The following CCDC192 variants were observed in gnomAD, a reference collection of about 807,000 sequenced individuals.
The protein encoded by CCDC192 is coiled-coil domain containing 192.
intron 3 of CCDC192, among the ~76,000 whole-genome samples, chr5:127,772,052 G>T (rs924802758): frequency 1.3e-5 from 2 of 152,150 alleles, no homozygotes; most frequent in Non-Finnish European, 2.9e-5. Flanking sequence ...GCCAGTTGAA[G>T]TTTTGCCAGG....
intron 6 of CCDC192, among the ~76,000 whole-genome samples, chr5:127,928,959 G>T (rs923071039): frequency 6.6e-6 from 1 of 151,934 alleles, no homozygotes; most frequent in Non-Finnish European, 1.5e-5. Context: ...TAGAAACACG[G>T]TTTCACCAGG....
In CCDC192 at chr5:127,886,660, G is replaced by T. The variant is rs188759819; in HGVS notation, c.535+10999G>T. Among the ~76,000 whole-genome samples the T allele has an allele frequency of 5.6e-4, 85 of 152,284 alleles. 1 individual carries two copies. Among genetic ancestry groups the T allele is most frequent in the African/African-American group, 1.8e-3 (76 of 41,562 alleles). ...ATGATACATATAACACATAAAATTT[G>T]TGTTAACCAGCTGTTTATATTATCA... On this transcript the variant is annotated intron_variant, in intron 6 of 6. Transcript: ENST00000514853.
intron 2 of CCDC192, among the ~76,000 whole-genome samples, chr5:127,728,981 A>T (rs1048586961): frequency 1.3e-5 from 2 of 151,986 alleles, no homozygotes; most frequent in African/African-American, 4.8e-5. Flanking sequence ...ATCTCGGCTC[A>T]CTGCAGTCTC....
chr5:127,852,294 C>T (rs538060353), intron 5 of CCDC192, among the ~76,000 whole-genome samples: 9 of 152,266 alleles, frequency 5.9e-5, no homozygotes, highest in Non-Finnish European at 1.2e-4. Context: ...ATTTTCTTTA[C>T]GCATAAAGCA....
At chr5:127,758,336 C>T (rs950146928) in intron 3 of CCDC192, among the ~76,000 whole-genome samples, 4 of 152,122 alleles carry the variant, frequency 2.6e-5, no homozygotes, top group Admixed American at 1.3e-4. Flanking sequence ...CCACTTCCTC[C>T]GATGAGGTCA....
At chr5:127,739,585 CTG>C (rs1257905932) in intron 2 of CCDC192, 2 of 155,348 alleles carry the variant, frequency 1.3e-5, no homozygotes, top group South Asian at 4.1e-4. Flanking sequence ...CAGCGAGACT[CTG>C]TGTGCGTAGG....
intron 5 of CCDC192, among the ~76,000 whole-genome samples, chr5:127,821,800 C>T (rs1440655323): frequency 6.6e-6 from 1 of 152,080 alleles, no homozygotes; most frequent in African/African-American, 2.4e-5. Context: ...CTATAACTGC[C>T]ATAAAGACCC....
At chr5:127,922,027 G>C (rs1753736457) in intron 6 of CCDC192, among the ~76,000 whole-genome samples, 3 of 152,074 alleles carry the variant, frequency 2.0e-5, no homozygotes, top group Admixed American at 2.0e-4. Flanking sequence ...AAGCCAATTT[G>C]GACCTCAACG....
At chr5:127,819,968 C>G (rs1749206362) in intron 5 of CCDC192, among the ~76,000 whole-genome samples, 1 of 152,138 alleles carries the variant, frequency 6.6e-6, no homozygotes, top group Non-Finnish European at 1.5e-5. Context: ...TATTTTAAAG[C>G]ACACACGCAC....
intron 3 of CCDC192, among the ~76,000 whole-genome samples, chr5:127,796,224 T>C (rs1323041437): frequency 6.6e-6 from 1 of 152,224 alleles, no homozygotes; most frequent in African/African-American, 2.4e-5. Flanking sequence ...CCATATTTGG[T>C]AGATTGTCTT....
chr5:127,724,332 A>T (rs1752189514), intron 2 of CCDC192, among the ~76,000 whole-genome samples: 1 of 152,156 alleles, frequency 6.6e-6, no homozygotes, highest in African/African-American at 2.4e-5. Context: ...TACAATAGAA[A>T]CATCTATGTC....
chr5:127,842,616 T>C (rs568109735), intron 5 of CCDC192, among the ~76,000 whole-genome samples: 1 of 152,382 alleles, frequency 6.6e-6, no homozygotes, highest in Admixed American at 6.5e-5. Flanking sequence ...AAAGCAGTTA[T>C]ACATGTGTAA....
chr5:127,717,967 C>CA (rs796781515), intron 2 of CCDC192, among the ~76,000 whole-genome samples: 17 of 122,918 alleles, frequency 1.4e-4, no homozygotes, highest in Middle Eastern at 4.2e-3. Context: ...CAAAACAAAA[C>CA]AAAAAAAACA....
chr5:127,832,289 A>G (rs1303192186), intron 5 of CCDC192, among the ~76,000 whole-genome samples: 1 of 152,206 alleles, frequency 6.6e-6, no homozygotes. Context: ...AAATGCTGGT[A>G]AGAGTTTACA....
At chr5:127,909,906 T>C (rs1753299731) in intron 6 of CCDC192, among the ~76,000 whole-genome samples, 1 of 152,240 alleles carries the variant, frequency 6.6e-6, no homozygotes, top group African/African-American at 2.4e-5. Context: ...TTATTGCCTC[T>C]TCTATGAAAA....
At chr5:127,907,184 T>C (rs1235217886) in intron 6 of CCDC192, among the ~76,000 whole-genome samples, 1 of 152,170 alleles carries the variant, frequency 6.6e-6, no homozygotes, top group Non-Finnish European at 1.5e-5. Context: ...GTCATATCTG[T>C]GAACAAAGTC....
intron 6 of CCDC192, among the ~76,000 whole-genome samples, chr5:127,904,364 G>A (rs527394100): frequency 6.6e-6 from 1 of 152,104 alleles, no homozygotes; most frequent in Non-Finnish European, 1.5e-5. Flanking sequence ...TCATTTGTTA[G>A]AGCAGCAATA....
chr5:127,858,968 T>C (rs968802613), intron 5 of CCDC192, among the ~76,000 whole-genome samples: 5 of 152,328 alleles, frequency 3.3e-5, no homozygotes, highest in Admixed American at 3.3e-4. Flanking sequence ...AAAAATTGTG[T>C]TGAGTATAGA....
At chr5:127,810,903 T>C (rs1352072276) in intron 5 of CCDC192, among the ~76,000 whole-genome samples, 1 of 152,128 alleles carries the variant, frequency 6.6e-6, no homozygotes, top group African/African-American at 2.4e-5. Context: ...TTGCCAAAAG[T>C]TGGGGCCACT....
Sources: allele counts gnomAD v4.1 joint callset (sites outside exome capture counted in the v4.1 genomes callset), GRCh38; gene constraint gnomAD v4.1.1; transcripts MANE v1.5; gene names NCBI Gene and HGNC (gene_info 2026-07-23, HGNC 2026-07-21).